BRINP3: variants seen among roughly 807,000 people sequenced by gnomAD.
BRINP3 encodes the protein BMP/retinoic acid inducible neural specific 3.
A neutral mutation model predicts 71.0 loss-of-function variants in BRINP3; 19 were observed. The ratio of observed to expected loss-of-function variants is 0.27; its 90% CI spans 0.19 to 0.39. BRINP3 has a LOEUF of 0.39. Ranked by LOEUF, BRINP3 falls within the 10% of genes least tolerant of loss-of-function variation. The probability of loss-of-function intolerance (pLI) is 1.00; values close to 1 mark genes in which losing one functional copy is unlikely to be tolerated. For synonymous variants in BRINP3, 380 were observed against 337.7 expected (o/e 1.13, Z -1.37); for missense variants, 959 against 940.8 (o/e 1.02, Z -0.25).
At chr1:190,285,477 A>C (rs891782100) in intron 2 of BRINP3, among the ~76,000 whole-genome samples, 3 of 152,070 alleles carry the variant, frequency 2.0e-5, no homozygotes, top group Non-Finnish European at 4.4e-5. Flanking sequence ...TGTCATGTAA[A>C]GTCATCAAGA....
intron 6 of BRINP3, among the ~76,000 whole-genome samples, chr1:190,221,090 T>A (rs1656847775): frequency 6.6e-6 from 1 of 152,212 alleles, no homozygotes; most frequent in East Asian, 1.9e-4. Context: ...TGGTGGCAGA[T>A]GCCTGTAATC....
chr1:190,413,356 G>A (rs1276731547), intron 2 of BRINP3, among the ~76,000 whole-genome samples: 2 of 152,200 alleles, frequency 1.3e-5, no homozygotes, highest in African/African-American at 4.8e-5. Flanking sequence ...ACCTATAAAG[G>A]CTGCTCAATG....
chr1:190,109,924 T>C (rs1160471684), intron 7 of BRINP3, among the ~76,000 whole-genome samples: 2 of 152,222 alleles, frequency 1.3e-5, no homozygotes, highest in South Asian at 4.1e-4. Flanking sequence ...GATTCTCTGG[T>C]TCTCCAGCTT....
chr1:190,311,566 A>G (rs1665520319), intron 2 of BRINP3, among the ~76,000 whole-genome samples: 1 of 151,684 alleles, frequency 6.6e-6, no homozygotes. Flanking sequence ...AAATTTGATC[A>G]TAGAATCTGG....
intron 7 of BRINP3, among the ~76,000 whole-genome samples, chr1:190,147,484 T>G (rs2102409151): frequency 6.6e-6 from 1 of 152,328 alleles, no homozygotes; most frequent in African/African-American, 2.4e-5. Context: ...ATGAAAGTCC[T>G]TTTGTTTTCC....
chr1:190,305,129 T>C (rs1300809644), intron 2 of BRINP3, among the ~76,000 whole-genome samples: 1 of 151,820 alleles, frequency 6.6e-6, no homozygotes, highest in East Asian at 1.9e-4. Context: ...TAAGTAAAGA[T>C]GTGGTGAAAA....
intron 6 of BRINP3, among the ~76,000 whole-genome samples, chr1:190,177,469 C>T (rs1240039106): frequency 6.6e-6 from 1 of 151,466 alleles, no homozygotes; most frequent in African/African-American, 2.4e-5. Context: ...TGAGGCACCA[C>T]GCCCGGCCCG....
At chr1:190,393,180 C>G (rs1414101075) in intron 2 of BRINP3, among the ~76,000 whole-genome samples, 1 of 151,532 alleles carries the variant, frequency 6.6e-6, no homozygotes, top group Non-Finnish European at 1.5e-5. Context: ...ATATATTAAG[C>G]ACACATTTAC....
chr1:190,330,735 G>T (rs1460010717), intron 2 of BRINP3, among the ~76,000 whole-genome samples: 1 of 151,996 alleles, frequency 6.6e-6, no homozygotes, highest in East Asian at 1.9e-4. Context: ...CAACATAAGT[G>T]CCCATATGGT....
chr1:190,351,617 C>T (rs529564397), intron 2 of BRINP3, among the ~76,000 whole-genome samples: 1 of 152,150 alleles, frequency 6.6e-6, no homozygotes, highest in African/African-American at 2.4e-5. Context: ...ATACAATGGT[C>T]ATTCCAGGCT....
At chr1:190,242,558 G>A (rs1227107031) in intron 4 of BRINP3, among the ~76,000 whole-genome samples, 2 of 152,038 alleles carry the variant, frequency 1.3e-5, no homozygotes, top group Admixed American at 1.3e-4. Flanking sequence ...CAAATTACTT[G>A]AAGCTGACAA....
intron 7 of BRINP3, among the ~76,000 whole-genome samples, chr1:190,143,105 T>C (rs1475442713): frequency 6.6e-6 from 1 of 152,128 alleles, no homozygotes; most frequent in Non-Finnish European, 1.5e-5. Context: ...TTTTAAAATA[T>C]ACAAAACATA....
At chr1:190,364,764 C>A (rs1467492462) in intron 2 of BRINP3, among the ~76,000 whole-genome samples, 2 of 151,904 alleles carry the variant, frequency 1.3e-5, no homozygotes, top group East Asian at 3.9e-4. Flanking sequence ...ATAATGCTTG[C>A]AAAACTGTCT....
At chr1:190,476,382 A>C (rs1677506097) in intron 1 of BRINP3, among the ~76,000 whole-genome samples, 2 of 152,066 alleles carry the variant, frequency 1.3e-5, no homozygotes, top group Admixed American at 1.3e-4. Flanking sequence ...GTTCAGAGAA[A>C]ACCCTCAGTG....
chr1:190,327,100 G>C (rs962683961), intron 2 of BRINP3, among the ~76,000 whole-genome samples: 2 of 151,252 alleles, frequency 1.3e-5, no homozygotes, highest in South Asian at 2.1e-4. Flanking sequence ...TGGATCACTT[G>C]AGGTCAGGAG....
intron 3 of BRINP3, among the ~76,000 whole-genome samples, chr1:190,280,082 T>C (rs1172901029): frequency 6.6e-6 from 1 of 151,822 alleles, no homozygotes; most frequent in Admixed American, 6.6e-5. Context: ...GCCAAATAAT[T>C]AAAATAATTT....
intron 4 of BRINP3, among the ~76,000 whole-genome samples, chr1:190,245,582 G>A (rs1659518493): frequency 6.6e-6 from 1 of 151,800 alleles, no homozygotes; most frequent in Admixed American, 6.6e-5. Context: ...AAATGGAAAG[G>A]ACAAGAAGTT....
intron 4 of BRINP3, among the ~76,000 whole-genome samples, chr1:190,249,551 GTTAAC>G (rs1219139074): frequency 4.6e-5 from 7 of 151,758 alleles, no homozygotes; most frequent in Non-Finnish European, 5.9e-5. Flanking sequence ...AGTAAAATGT[GTTAAC>G]TTAAGCAAAA....
chr1:190,353,245 C>T (rs756540168), intron 2 of BRINP3, among the ~76,000 whole-genome samples: 1 of 151,814 alleles, frequency 6.6e-6, no homozygotes, highest in Non-Finnish European at 1.5e-5. Context: ...ATTAATAATA[C>T]AAAATTCACA....
Sources: gnomAD v4.1 joint callset for allele counts (sites outside exome capture counted in the v4.1 genomes callset) on GRCh38, gnomAD v4.1.1 for gene constraint, MANE v1.5 for transcripts, NCBI Gene and HGNC (gene_info 2026-07-23, HGNC 2026-07-21) for gene names.